The following CLVS1 variants were observed in gnomAD, a reference collection of about 807,000 sequenced individuals.
The protein encoded by CLVS1 is clavesin 1.
CLVS1 carries 10 observed loss-of-function variants against 33.1 expected under a neutral mutation model. That is an observed-to-expected ratio of 0.30 (90% CI 0.19 to 0.51). The LOEUF (loss-of-function observed/expected upper bound fraction) is 0.51, where lower values mean the gene tolerates loss of function less well. CLVS1 is among the 20% of genes least tolerant of loss of function. The pLI, the probability that CLVS1 is intolerant of heterozygous loss-of-function variation, is 0.97. For missense variants in CLVS1, 343 were observed against 433.4 expected, an observed-to-expected ratio of 0.79 and a Z score of 1.85; for synonymous variants, 163 against 166.1, an observed-to-expected ratio of 0.98 and a Z score of 0.14.
At chr8:61,274,124 A>T (rs190869358) in intron 2 of CLVS1, 1 of 152,236 alleles carries the variant, frequency 6.6e-6, no homozygotes, top group Non-Finnish European at 1.5e-5. Context: ...AATAACATTC[A>T]GAATATTTTA....
chr8:61,030,367 C>A, the CLVS1 span, among the ~76,000 whole-genome samples: 1 of 152,116 alleles, frequency 6.6e-6, no homozygotes, highest in Admixed American at 6.5e-5. Context: ...AAAAACAAAT[C>A]TAGAATCGAT....
At chr8:60,995,196 A>G in the CLVS1 span, among the ~76,000 whole-genome samples, 1 of 152,240 alleles carries the variant, frequency 6.6e-6, no homozygotes, top group African/African-American at 2.4e-5. Context: ...CTGCATAGCA[A>G]AAGAAACTAC....
At chr8:61,330,859 C>A (rs150364598) in intron 2 of CLVS1, among the ~76,000 whole-genome samples, 2 of 151,704 alleles carry the variant, frequency 1.3e-5, no homozygotes, top group African/African-American at 4.8e-5. Flanking sequence ...GGGGGCTAAG[C>A]CAGGAGGATT....
intron 1 of CLVS1, among the ~76,000 whole-genome samples, chr8:61,105,986 G>A (rs912838349): frequency 3.9e-5 from 6 of 152,176 alleles, no homozygotes; most frequent in African/African-American, 7.2e-5. Context: ...TTGTAGTTCT[G>A]TCTTCCTTTG....
chr8:60,986,674 G>C, the CLVS1 span, among the ~76,000 whole-genome samples: 5 of 152,180 alleles, frequency 3.3e-5, no homozygotes, highest in African/African-American at 1.2e-4. Flanking sequence ...TGTTAACATG[G>C]TAAACATTAC....
chr8:61,434,600 G>T (rs1467547495), intron 3 of CLVS1, among the ~76,000 whole-genome samples: 2 of 152,156 alleles, frequency 1.3e-5, no homozygotes, highest in Non-Finnish European at 2.9e-5. Context: ...AACTCAAAGA[G>T]GGGGGCTTCC....
chr8:61,501,216 T>TAA lies in CLVS1; in HGVS notation c.*1676_*1677dup. 6.6e-6 allele frequency: 1 copy of TAA among 152,118 alleles called. No individual in the cohort carries two copies. The highest frequency in any genetic ancestry group is 1.9e-4 in the East Asian group (1 of 5,190). 9.4% of individuals were successfully genotyped at this position (152,118 alleles called of 1,614,324 possible). A position where few individuals can be genotyped will look rare whatever the true frequency, so the allele number is the denominator to read the frequency against. ...CCAAGACATAGATAGGTAAGAGAAA[T>TAA]AAAGAATTGAAGTGAATTAGAAAAT... On this transcript the variant is annotated 3_prime_UTR_variant, in exon 6 of 6. Coordinates refer to ENST00000325897, the MANE Select transcript of CLVS1 (RefSeq NM_173519.3).
At chr8:61,339,012 C>CTGTG (rs10608174) in intron 2 of CLVS1, among the ~76,000 whole-genome samples, 1 of 149,468 alleles carries the variant, frequency 6.7e-6, no homozygotes, top group Non-Finnish European at 1.5e-5. Context: ...GAGTGTGTGC[C>CTGTG]TGTGTGTGTG....
At chr8:61,218,780 C>CAA (rs748142714) in intron 2 of CLVS1, among the ~76,000 whole-genome samples, 8 of 37,936 alleles carry the variant, frequency 2.1e-4, no homozygotes, top group African/African-American at 5.0e-4. Context: ...AGTAAAAATA[C>CAA]AAAAAAAAAA....
chr8:61,424,521 T>C (rs1419759079), intron 3 of CLVS1, among the ~76,000 whole-genome samples: 2 of 152,256 alleles, frequency 1.3e-5, no homozygotes, highest in Middle Eastern at 3.2e-3. Context: ...TAGTAGTCTA[T>C]GTAGACTTGC....
At chr8:61,283,412 C>G (rs1387352278), upstream of CLVS1, among the ~76,000 whole-genome samples, 1 of 152,156 alleles carries the variant, frequency 6.6e-6, no homozygotes, top group Non-Finnish European at 1.5e-5. Flanking sequence ...TCAATTCTTG[C>G]AGAAATATGC....
At chr8:61,226,980 G>GTTTTTTTTTTTTTTTTTTTTT (rs55718731) in intron 2 of CLVS1, among the ~76,000 whole-genome samples, 1 of 132,310 alleles carries the variant, frequency 7.6e-6, no homozygotes. Context: ...ACGAAAACAT[G>GTTTTTTTTTTTTTTTTTTTTT]TTTTTTTTTT....
chr8:61,464,730 A>G (rs1586012088), intron 5 of CLVS1: 1 of 145,390 alleles, frequency 6.9e-6, no homozygotes, highest in African/African-American at 2.9e-5. Flanking sequence ...CATTTTCCCC[A>G]CCATGGCCAC....
the CLVS1 span, among the ~76,000 whole-genome samples, chr8:61,041,347 C>T: frequency 1.2e-4 from 18 of 151,812 alleles, 1 homozygote; most frequent in Admixed American, 1.2e-3. Context: ...AGAATAGTTT[C>T]TTTTCTAATA....
In CLVS1 at chr8:61,376,686, C is replaced by T; in HGVS notation, c.537C>T (p.Gly179=). The T allele has an allele frequency of 1.2e-6, 2 of 1,614,124 alleles. No individual in the cohort carries two copies. Among genetic ancestry groups the T allele is most frequent in the Non-Finnish European group, 1.7e-6 (2 of 1,179,966 alleles). ...AAGATCCGGAGCTTCAGATAAATGG[C>T]TTCATTTTAATTATAGACTGGAGTA... ...LIEDPELQIN[G]FILIIDWSNF... Residue 179 remains glycine, a synonymous_variant, in exon 3 of 6, where the codon GGC becomes GGT. Transcript: ENST00000325897.
At chr8:61,349,645 C>A (rs1412660431) in intron 2 of CLVS1, among the ~76,000 whole-genome samples, 1 of 151,970 alleles carries the variant, frequency 6.6e-6, no homozygotes, top group Non-Finnish European at 1.5e-5. Context: ...ATGTTCAGAA[C>A]CTTCTTAATT....
chr8:61,170,809 T>C (rs1563429868), intron 2 of CLVS1, among the ~76,000 whole-genome samples: 1 of 152,202 alleles, frequency 6.6e-6, no homozygotes, highest in South Asian at 2.1e-4. Context: ...CCTTAAAGAA[T>C]AGAGTTCTTT....
intron 1 of CLVS1, among the ~76,000 whole-genome samples, chr8:61,131,494 G>A (rs1046493401): frequency 1.3e-5 from 2 of 152,148 alleles, no homozygotes; most frequent in African/African-American, 4.8e-5. Flanking sequence ...CTCACTGAAA[G>A]GTGAGGAAGG....
chr8:61,308,479 G>GGA (rs1265297505), intron 2 of CLVS1, among the ~76,000 whole-genome samples: 1 of 152,190 alleles, frequency 6.6e-6, no homozygotes, highest in African/African-American at 2.4e-5. Context: ...GAGTCACGGT[G>GGA]GAGGGGATCG....
Sources: allele counts gnomAD v4.1 joint callset (sites outside exome capture counted in the v4.1 genomes callset), GRCh38; gene constraint gnomAD v4.1.1; transcripts MANE v1.5; gene names NCBI Gene and HGNC (gene_info 2026-07-23, HGNC 2026-07-21).